The following B4GALT1 variants were observed in gnomAD, a reference collection of about 807,000 sequenced individuals.
The protein encoded by B4GALT1 is N-acetyllactosamine synthase.
Under a neutral mutation model 34.9 loss-of-function variants are expected in B4GALT1, and 16 were observed. The observed-to-expected ratio is 0.46, with a 90% CI of 0.31 to 0.70. The LOEUF (loss-of-function observed/expected upper bound fraction) is 0.70. B4GALT1 is among the 30% of genes least tolerant of loss of function. B4GALT1 has a pLI of 0.05. For missense variants in B4GALT1, 445 were observed against 530.5 expected (o/e 0.84, Z 1.58); for synonymous variants, 221 against 218.1 (o/e 1.01, Z -0.12).
At chr9:33,155,644 C>T (rs1840584178) in intron 1 of B4GALT1, among the ~76,000 whole-genome samples, 2 of 152,162 alleles carry the variant, frequency 1.3e-5, no homozygotes, top group South Asian at 2.1e-4. Flanking sequence ...CTGGGGTACT[C>T]GCTTTGGGCT....
At chr9:33,108,041 T>C (rs1839812516), downstream of B4GALT1, among the ~76,000 whole-genome samples, 1 of 152,232 alleles carries the variant, frequency 6.6e-6, no homozygotes, top group South Asian at 2.1e-4. Context: ...AATATGTACA[T>C]GGCAGTCTGT....
At position 33,135,226 on chromosome 9, in the gene B4GALT1, C is replaced by T. The variant is rs942498425; in HGVS notation, c.611G>A (p.Arg204His). The T allele has an allele frequency of 1.2e-6, 2 of 1,614,116 alleles. No individual in the cohort carries two copies. Among genetic ancestry groups the T allele is most frequent in the Non-Finnish European group, 1.7e-6 (2 of 1,180,010 alleles). The change falls in exon 2 of 6, where the codon CGC becomes CAC. Residue 204 changes from arginine to histidine, a missense_variant. Arg to His is a conservative substitution (Grantham distance 29, BLOSUM62 0). Around this residue, in one of 3 missense-constraint regions of B4GALT1, gnomAD observed 349 missense variants for 395.5 expected, o/e 0.88. Transcript: ENST00000379731. Reference protein sequence around the residue: ...WLYYLHPVLQRQQLDYGIYVI... With the variant: ...WLYYLHPVLQHQQLDYGIYVI... ...ATAGATGCCATAGTCCAGCTGCTGG[C>T]GCTGCAGGACTGGGTGCAAATAATA...
chr9:33,118,114 G>A (rs1167270712), intron 3 of B4GALT1, among the ~76,000 whole-genome samples: 2 of 152,188 alleles, frequency 1.3e-5, no homozygotes, highest in East Asian at 1.9e-4. Context: ...ATAAACCTGT[G>A]TGTTTCAAGA....
chr9:33,138,068 C>CCGACTTGCTCT, intron 1 of B4GALT1, among the ~76,000 whole-genome samples: 1 of 152,384 alleles, frequency 6.6e-6, no homozygotes, highest in East Asian at 1.9e-4. Flanking sequence ...TGTCACCCTG[C>CCGACTTGCTCT]CGACTTGCTC....
At chr9:33,107,873 A>G (rs923487192), downstream of B4GALT1, among the ~76,000 whole-genome samples, 9 of 151,958 alleles carry the variant, frequency 5.9e-5, no homozygotes, top group Admixed American at 4.6e-4. Context: ...TGGGGGAAAC[A>G]CTGTTGGTGA....
At chr9:33,181,504 C>G in the B4GALT1 span, among the ~76,000 whole-genome samples, 1 of 151,254 alleles carries the variant, frequency 6.6e-6, no homozygotes, top group Non-Finnish European at 1.5e-5. Flanking sequence ...TCAACGTCTT[C>G]CTGTAATGGA....
At chr9:33,166,702 T>A (rs1564055990) in intron 1 of B4GALT1, 56 bp downstream of exon 1, 3 of 1,461,832 alleles carry the variant, frequency 2.1e-6, no homozygotes, top group East Asian at 4.8e-5. Context: ...GGGGACCCTG[T>A]CGGGGAAATC....
exon 3 of B4GALT1, chr9:33,104,543 G>C (rs1298904000): frequency 2.9e-6 from 1 of 342,442 alleles, no homozygotes. Flanking sequence ...CATTTGTCTC[G>C]AGAACAGGTA....
chr9:33,171,679 C>T (rs1322736252), upstream of B4GALT1, among the ~76,000 whole-genome samples: 9 of 152,182 alleles, frequency 5.9e-5, no homozygotes, highest in African/African-American at 1.9e-4. Context: ...CTCAGCCTCC[C>T]GAGTAGCTGG....
At chr9:33,173,360 G>A in the B4GALT1 span, among the ~76,000 whole-genome samples, 1 of 151,556 alleles carries the variant, frequency 6.6e-6, no homozygotes, top group Non-Finnish European at 1.5e-5. Context: ...AGCCGTGATC[G>A]GGCCATTGCA....
chr9:33,152,633 T>A (rs1020012444), intron 1 of B4GALT1, among the ~76,000 whole-genome samples: 4 of 151,610 alleles, frequency 2.6e-5, no homozygotes, highest in African/African-American at 9.7e-5. Context: ...TCCCAGCACT[T>A]TGGGAGGCCG....
chr9:33,128,124 G>A (rs1840140454), intron 2 of B4GALT1, among the ~76,000 whole-genome samples: 2 of 152,142 alleles, frequency 1.3e-5, no homozygotes, highest in African/African-American at 4.8e-5. Context: ...TCTAGGAGGC[G>A]GAAAGTACAG....
intron 4 of B4GALT1, among the ~76,000 whole-genome samples, chr9:33,114,141 TAC>T (rs1200727440): frequency 3.0e-4 from 45 of 152,332 alleles, no homozygotes; most frequent in African/African-American, 1.1e-3. Context: ...CCACAGAATA[TAC>T]AGTGTGAATG....
chr9:33,171,770 G>C (rs1338590378), upstream of B4GALT1, among the ~76,000 whole-genome samples: 1 of 152,148 alleles, frequency 6.6e-6, no homozygotes, highest in Admixed American at 6.5e-5. Context: ...GCTCAGGCTA[G>C]TCTCGAACTC....
intron 1 of B4GALT1, among the ~76,000 whole-genome samples, chr9:33,148,462 G>A (rs927378039): frequency 3.3e-5 from 5 of 152,168 alleles, no homozygotes; most frequent in Non-Finnish European, 5.9e-5. Context: ...ATGCTCACAC[G>A]TTGCCCATAA....
chr9:33,165,655 T>C (rs1840740131), intron 1 of B4GALT1, among the ~76,000 whole-genome samples: 2 of 152,182 alleles, frequency 1.3e-5, no homozygotes, highest in Admixed American at 1.3e-4. Flanking sequence ...ATTGGCAGGA[T>C]GTCATCCTGC....
the B4GALT1 span, chr9:33,179,224 C>A: frequency 6.6e-6 from 1 of 152,194 alleles, no homozygotes. Flanking sequence ...AATAATGCAA[C>A]CCTCCATGAA....
Position 33,111,730 on chromosome 9 carries a change from C to G in B4GALT1, c.*1724G>C, listed in dbSNP as rs1011380108. On this transcript the variant is annotated 3_prime_UTR_variant, in exon 6 of 6. Transcript: ENST00000379731. ...CAACCCTGGGATTAGGCAGCTGAGT[C>G]TTGGAACCTGAGCCCAGGCTGGACC... 2.6e-5 allele frequency: 4 copies of G among 152,626 alleles called. No individual in the cohort carries two copies. Among genetic ancestry groups the G allele is most frequent in the Non-Finnish European group, 5.9e-5 (4 of 68,094 alleles). 9.5% of individuals were successfully genotyped at this position (152,626 alleles called of 1,614,324 possible). A position where few individuals can be genotyped will look rare whatever the true frequency, so the allele number is the denominator to read the frequency against.
intron 4 of B4GALT1, among the ~76,000 whole-genome samples, chr9:33,115,743 T>A (rs1214882823): frequency 6.6e-6 from 1 of 152,206 alleles, no homozygotes; most frequent in Admixed American, 6.5e-5. Context: ...CAAGTCAAAG[T>A]AAACTTGCCC....
Sources: gnomAD v4.1 joint callset for allele counts (sites outside exome capture counted in the v4.1 genomes callset) on GRCh38, gnomAD v4.1.1 for gene constraint, gnomAD v4.1.1 regional missense constraint, MANE v1.5 for transcripts, NCBI Gene and HGNC (gene_info 2026-07-23, HGNC 2026-07-21) for gene names.